The following PKHD1L1 variants were observed in gnomAD, a reference collection of about 807,000 sequenced individuals.
PKHD1L1 encodes PKHD1 like 1, also known as fibrocystin-L.
Under a neutral mutation model 462.9 loss-of-function variants are expected in PKHD1L1, and 434 were observed. That is an observed-to-expected ratio of 0.94 (90% CI 0.87 to 1.02). The LOEUF (loss-of-function observed/expected upper bound fraction) is 1.02, where lower values mean the gene tolerates loss of function less well. PKHD1L1 is among the 50% of genes least tolerant of loss of function. PKHD1L1 has a pLI of 0.00. For missense variants in PKHD1L1, 5,202 were observed against 5,096.1 expected (o/e 1.02, Z -0.63); for synonymous variants, 1,781 against 1,750.0 (o/e 1.02, Z -0.44).
intron 77 of PKHD1L1, among the ~76,000 whole-genome samples, chr8:109,528,069 T>C (rs1274323286): frequency 6.6e-6 from 1 of 152,122 alleles, no homozygotes; most frequent in East Asian, 1.9e-4. Flanking sequence ...CATTGAATAT[T>C]AGAGAGATTG....
In PKHD1L1 at chr8:109,465,246, G is replaced by A. The variant is rs200333768; in HGVS notation, c.8413+1G>A. The A allele has an allele frequency of 6.9e-5, 110 of 1,604,384 alleles. 1 individual carries two copies. The African/African-American group carries it at 1.4e-3, about 20-fold the overall frequency. On this transcript the variant is annotated splice_donor_variant, in intron 49 of 77. Coordinates refer to ENST00000378402, the MANE Select transcript of PKHD1L1 (RefSeq NM_177531.6). LOFTEE classifies it high-confidence loss of function. ...ATTGATGTTGATGGCTCACTTACAG[G>A]TAATGTTATTTTTTAATTTGTGATA... is the stretch of plus-strand genomic sequence containing the variant.
intron 46 of PKHD1L1, among the ~76,000 whole-genome samples, chr8:109,458,550 G>A (rs989266406): frequency 2.6e-5 from 4 of 152,166 alleles, no homozygotes; most frequent in African/African-American, 7.2e-5. Flanking sequence ...GGACTGCAGC[G>A]TTGTTGCTCT....
chr8:109,492,016 T>A (rs1818855181), intron 62 of PKHD1L1, 22 bp downstream of exon 62: 7 of 1,426,402 alleles, frequency 4.9e-6, no homozygotes, highest in Non-Finnish European at 6.6e-6. Context: ...AAACTTATAA[T>A]TATACTAATT....
intron 38 of PKHD1L1, 126 bp from the exon 39 acceptor site, chr8:109,448,017 T>C: frequency 3.7e-6 from 3 of 814,916 alleles, no homozygotes; most frequent in Non-Finnish European, 3.7e-6. Context: ...CATGTATTGT[T>C]AATATTTATA....
intron 46 of PKHD1L1, among the ~76,000 whole-genome samples, 195 bp from the exon 47 acceptor site, chr8:109,459,400 T>C (rs946305241): frequency 1.3e-5 from 2 of 151,730 alleles, no homozygotes; most frequent in African/African-American, 4.8e-5. Context: ...TTTCATTGAA[T>C]TGAATATATT....
At chr8:109,478,227 A>T (rs1818095277) in intron 53 of PKHD1L1, among the ~76,000 whole-genome samples, 1 of 152,150 alleles carries the variant, frequency 6.6e-6, no homozygotes, top group Admixed American at 6.6e-5. Context: ...AAAGAACAAA[A>T]ATTGAATTTG....
At chr8:109,484,646 A>G (rs1818434961) in intron 57 of PKHD1L1, among the ~76,000 whole-genome samples, 1 of 151,892 alleles carries the variant, frequency 6.6e-6, no homozygotes, top group African/African-American at 2.4e-5. Flanking sequence ...TCTGCCTTTC[A>G]GGAATAATAA....
In PKHD1L1 at chr8:109,442,041, C is replaced by A; in HGVS notation, c.4239C>A (p.Val1413=). 6.2e-7 allele frequency: 1 copy of A among 1,612,892 alleles called. No individual in the cohort carries two copies. The highest frequency in any genetic ancestry group is 8.5e-7 in the Non-Finnish European group (1 of 1,179,292). ...TAGGTTATGCCTGGTCACCACCAGTCCTAAATGTGTCTGTGGGGGACACAG... is the reference window on the plus strand; with the variant it reads ...TAGGTTATGCCTGGTCACCACCAGTACTAAATGTGTCTGTGGGGGACACAG... ...HGLGYAWSPP[V]LNVSVGDTVA... The change falls in exon 35 of 78, where the codon GTC becomes GTA. Residue 1413 remains valine (V), a synonymous_variant. Coordinates refer to ENST00000378402, the MANE Select transcript of PKHD1L1 (RefSeq NM_177531.6).
chr8:109,465,065 A>G lies in PKHD1L1; in HGVS notation c.8233A>G (p.Asn2745Asp), dbSNP rs770172912. 1.2e-6 allele frequency: 2 copies of G among 1,613,788 alleles called. No homozygotes were observed. The highest frequency in any genetic ancestry group is 2.2e-5 in the South Asian group (2 of 91,072). Residue 2745 changes from asparagine to aspartate, a missense_variant, in exon 49 of 78, where the codon AAC becomes GAC. This residue lies in a region of PKHD1L1 where 4,497 missense variants were observed against 4,336.8 expected (regional missense o/e 1.04). Transcript: ENST00000378402. ...GACTGTCTCTTCTGTGCACTTTATGAACTTTGACCGTCCCAACTGTGTAGC... is the reference window on the plus strand; with the variant it reads ...GACTGTCTCTTCTGTGCACTTTATGGACTTTGACCGTCCCAACTGTGTAGC... ...GLTVSSVHFMNFDRPNCVALG... is the reference protein window; with the variant it reads ...GLTVSSVHFMDFDRPNCVALG...
chr8:109,420,724 G>T, intron 23 of PKHD1L1, 34 bp downstream of exon 23: 1 of 1,438,090 alleles, frequency 7.0e-7, no homozygotes. Context: ...TTTTTATGTA[G>T]TGAATTTTAT....
intron 50 of PKHD1L1, chr8:109,470,526 G>T: frequency 1.2e-6 from 2 of 1,610,754 alleles, no homozygotes; most frequent in Non-Finnish European, 1.7e-6. Flanking sequence ...AAAAGAAGCA[G>T]GGATTTGATT....
intron 9 of PKHD1L1, among the ~76,000 whole-genome samples, chr8:109,390,712 C>G (rs1812672774): frequency 6.6e-6 from 1 of 151,932 alleles, no homozygotes; most frequent in Non-Finnish European, 1.5e-5. Context: ...ACTAAAATAA[C>G]ATAAAAATCT....
At chr8:109,363,658 T>C (rs979687222) in intron 1 of PKHD1L1, among the ~76,000 whole-genome samples, 3 of 152,196 alleles carry the variant, frequency 2.0e-5, no homozygotes, top group African/African-American at 7.2e-5. Flanking sequence ...CTTTGAGTTG[T>C]TTTAAAGAAT....
At chr8:109,522,068 G>A in intron 73 of PKHD1L1, 118 bp from the exon 74 acceptor site, 4 of 1,019,780 alleles carry the variant, frequency 3.9e-6, no homozygotes, top group Non-Finnish European at 5.5e-6. Flanking sequence ...AGACTAGAAA[G>A]CCTTAGAATT....
chr8:109,378,377 C>T (rs1811943673), intron 2 of PKHD1L1, among the ~76,000 whole-genome samples: 1 of 152,144 alleles, frequency 6.6e-6, no homozygotes, highest in Admixed American at 6.5e-5. Flanking sequence ...AACCTAAGTG[C>T]CTTCATTTCT....
At chr8:109,441,891 T>A in intron 34 of PKHD1L1, 116 bp from the exon 35 acceptor site, 1 of 743,896 alleles carries the variant, frequency 1.3e-6, no homozygotes, top group Non-Finnish European at 1.9e-6. Flanking sequence ...TAATTAAGTT[T>A]TAGTGTTGAT....
Position 109,452,803 on chromosome 8 carries a change from T to C in PKHD1L1, c.6593T>C (p.Val2198Ala), listed in dbSNP as rs372643809. The stretch of plus-strand genomic sequence containing the variant: ...TCTCCCCCAGAAGAAGGATCTCTTG[T>C]TGTTATTACAAAAGGACAGACCATT... ...GKSPPEEGSLVVITKGQTILL... is the reference protein window; with the variant it reads ...GKSPPEEGSLAVITKGQTILL... Residue 2198 changes from valine (V) to alanine (A), a missense_variant, in exon 43 of 78, where the codon GTT becomes GCT. Physicochemically the swap from Val to Ala is moderately conservative, Grantham distance 64. Transcript: ENST00000378402. 2.1e-5 allele frequency: 33 copies of C among 1,537,188 alleles called. No homozygotes were observed. The highest frequency in any genetic ancestry group is 2.8e-5 in the Non-Finnish European group (32 of 1,143,918).
At chr8:109,511,811 A>G (rs967326451) in intron 71 of PKHD1L1, among the ~76,000 whole-genome samples, 2 of 152,148 alleles carry the variant, frequency 1.3e-5, no homozygotes, top group Non-Finnish European at 2.9e-5. Context: ...AGTCCCACCA[A>G]CAGTGTAAAA....
In PKHD1L1 at chr8:109,440,846, C is replaced by T. The variant is rs1318228160; in HGVS notation, c.4093C>T (p.Leu1365=). 1 of 1,611,984 alleles carries T rather than the reference C, an allele frequency of 6.2e-7. No individual in the cohort carries two copies. The highest frequency in any genetic ancestry group is 1.1e-5 in the South Asian group (1 of 90,814). ...FSTIPAENTV[L]LGSIPCNVTS... is the part of the protein sequence containing the mutation. ...CACAATACCAGCTGAGAATACCGTG[C>T]TGTTAGGTAAGAGCTTCATTCATAG... Residue 1365 remains leucine (L), a synonymous_variant, in exon 33 of 78, where the codon CTG becomes TTG. Coordinates refer to ENST00000378402, the MANE Select transcript of PKHD1L1 (RefSeq NM_177531.6).
Sources: allele counts gnomAD v4.1 joint callset (sites outside exome capture counted in the v4.1 genomes callset), GRCh38; gene constraint gnomAD v4.1.1; regional missense constraint gnomAD v4.1.1; transcripts MANE v1.5; gene names NCBI Gene and HGNC (gene_info 2026-07-23, HGNC 2026-07-21).